ARHGAP32: variants seen among roughly 807,000 people sequenced by gnomAD.
ARHGAP32 encodes Rho GTPase activating protein 32.
A neutral mutation model predicts 186.5 loss-of-function variants in ARHGAP32; 51 were observed. The ratio of observed to expected loss-of-function variants is 0.27; its 90% CI spans 0.22 to 0.35. ARHGAP32 has a LOEUF of 0.35. ARHGAP32 is among the 10% of genes least tolerant of loss of function. The pLI is 1.00. For synonymous variants in ARHGAP32, 950 were observed against 964.3 expected, an observed-to-expected ratio of 0.99 and a Z score of 0.27; for missense variants, 2,186 against 2,623.5, an observed-to-expected ratio of 0.83 and a Z score of 3.64.
At chr11:129,128,816 C>T (rs1323532779) in intron 2 of ARHGAP32, among the ~76,000 whole-genome samples, 5 of 152,198 alleles carry the variant, frequency 3.3e-5, no homozygotes, top group Non-Finnish European at 7.3e-5. Flanking sequence ...AGCTCCTGAC[C>T]GCAAGTGATC....
chr11:129,264,664 A>G (rs1945370415), intron 1 of ARHGAP32, among the ~76,000 whole-genome samples: 1 of 152,188 alleles, frequency 6.6e-6, no homozygotes, highest in Non-Finnish European at 1.5e-5. Flanking sequence ...GAGACAGAGA[A>G]CTTTTGATGG....
At chr11:129,216,905 G>GA (rs915859152) in intron 1 of ARHGAP32, among the ~76,000 whole-genome samples, 16 of 150,296 alleles carry the variant, frequency 1.1e-4, no homozygotes, top group African/African-American at 3.9e-4. Context: ...ATTTACTGAA[G>GA]TTTTTTTTTC....
chr11:129,131,058 G>A (rs1023641511), intron 2 of ARHGAP32, among the ~76,000 whole-genome samples: 1 of 152,002 alleles, frequency 6.6e-6, no homozygotes, highest in Non-Finnish European at 1.5e-5. Flanking sequence ...AGTTGTTATA[G>A]TACATGAAAG....
At chr11:129,220,726 G>A (rs773488587) in intron 1 of ARHGAP32, among the ~76,000 whole-genome samples, 27 of 152,190 alleles carry the variant, frequency 1.8e-4, no homozygotes, top group Admixed American at 1.5e-3. Context: ...TCAGAAAGCC[G>A]CACTGTTTAA....
Position 129,271,254 on chromosome 11 carries a change from A to ACTAGC in ARHGAP32, c.-5+7887_-5+7891dup, listed in dbSNP as rs570767577. On this transcript the variant is annotated intron_variant, in intron 1 of 6. Transcript: ENST00000525234. ...GGCAGTTTGCCAGACGACAAAGCCT[A>ACTAGC]CTAGCCTAGCCTAGCCTAGGTTTTT... Among the ~76,000 whole-genome samples the ACTAGC allele has an allele frequency of 3.2e-3, 489 of 152,188 alleles. 2 individuals carry two copies. Among genetic ancestry groups the ACTAGC allele is most frequent in the African/African-American group, 0.011 (471 of 41,460 alleles).
In ARHGAP32 at chr11:128,965,727, A is replaced by G. The variant is rs1314733128; in HGVS notation, c.*3180T>C. On this transcript the variant is annotated 3_prime_UTR_variant, in exon 23 of 23. Coordinates refer to ENST00000682385, the MANE Select transcript of ARHGAP32 (RefSeq NM_001378024.1). ...ATTCTGCTCAAGCAGTACTTTGCCA[A>G]CATCCTAAATGGGTGACTGACAGGG... 3 of 152,222 alleles carry G rather than the reference A, an allele frequency of 2.0e-5. No individual in the cohort carries two copies. Among genetic ancestry groups the G allele is most frequent in the Non-Finnish European group, 2.9e-5 (2 of 68,042 alleles). 9.4% of individuals were successfully genotyped at this position (152,222 alleles called of 1,614,324 possible). A position where few individuals can be genotyped will look rare whatever the true frequency, so the allele number is the denominator to read the frequency against.
intron 1 of ARHGAP32, among the ~76,000 whole-genome samples, chr11:129,240,727 T>C (rs1363977549): frequency 6.6e-6 from 1 of 152,208 alleles, no homozygotes. Flanking sequence ...CCCTAAATGC[T>C]TGAGAGTGAG....
chr11:129,255,413 G>C (rs370023417), intron 1 of ARHGAP32, among the ~76,000 whole-genome samples: 2 of 151,892 alleles, frequency 1.3e-5, no homozygotes, highest in South Asian at 4.2e-4. Flanking sequence ...AAACACAAAA[G>C]ATAAAACCAT....
chr11:129,020,996 T>C (rs1366900875), intron 11 of ARHGAP32, among the ~76,000 whole-genome samples: 10 of 151,988 alleles, frequency 6.6e-5, no homozygotes, highest in Admixed American at 6.6e-4. Context: ...ATGAAACAGT[T>C]TGCTATTCCA....
intron 5 of ARHGAP32, among the ~76,000 whole-genome samples, chr11:129,111,678 T>A (rs1942220720): frequency 6.6e-6 from 1 of 152,226 alleles, no homozygotes; most frequent in Non-Finnish European, 1.5e-5. Context: ...TCCAACTTCT[T>A]ACTGTATAGT....
At chr11:129,142,798 AC>A (rs1212225742) in intron 2 of ARHGAP32, among the ~76,000 whole-genome samples, 1 of 151,900 alleles carries the variant, frequency 6.6e-6, no homozygotes, top group Non-Finnish European at 1.5e-5. Context: ...TATAAGGCTA[AC>A]AAAAAGCATC....
At chr11:129,214,558 G>A (rs892297507) in intron 1 of ARHGAP32, among the ~76,000 whole-genome samples, 40 of 152,270 alleles carry the variant, frequency 2.6e-4, no homozygotes, top group African/African-American at 8.2e-4. Flanking sequence ...GGGATTCAAA[G>A]GGCTTCCAGG....
rs1041191422 is a variant in ARHGAP32, at chr11:128,998,410, T to C, written c.1104A>G (p.Pro368=). The change falls in exon 12 of 23, where the codon CCA becomes CCG. Residue 368 remains proline, a synonymous_variant. Coordinates refer to ENST00000682385, the MANE Select transcript of ARHGAP32 (RefSeq NM_001378024.1). ...CCCGCTGCTTCAGCTTCTGTTTTGT[T>C]GGACGAGACTTCATGAATGTTCGTA... ...TFLRTFMKSR[P]TKQKLKQRGI... 8.8e-6 allele frequency: 14 copies of C among 1,596,250 alleles called. No individual in the cohort carries two copies. The highest frequency in any genetic ancestry group is 1.2e-5 in the Non-Finnish European group (14 of 1,170,282).
intron 16 of ARHGAP32, 88 bp from the exon 17 acceptor site, chr11:128,981,649 A>G: frequency 7.1e-7 from 1 of 1,411,206 alleles, no homozygotes. Context: ...TCAGACAAAC[A>G]GAGGAAGAAA....
In ARHGAP32 at chr11:128,974,607, C is replaced by G; in HGVS notation, c.2590G>C (p.Ala864Pro). 1 of 1,614,204 alleles carries G rather than the reference C, an allele frequency of 6.2e-7. No individual in the cohort carries two copies. The highest frequency in any genetic ancestry group is 1.6e-4 in the Middle Eastern group (1 of 6,062). ...AGAGGAGAGACAGGTTCAGAGCTTG[C>G]TGTGCTTCCTGGAGTCTGACATTGG... is the stretch of plus-strand genomic sequence containing the variant. ...SSQCQTPGST[A>P]SSEPVSPLQE... Residue 864 changes from alanine to proline, a missense_variant, in exon 21 of 23, where the codon GCA (alanine) becomes CCA (proline). Physicochemically the swap from Ala to Pro is conservative, Grantham distance 27. Transcript: ENST00000682385.
rs1166417668 is a variant in ARHGAP32 at position 129,096,519 on chromosome 11, A to AC, written c.445-2813dup. Among the ~76,000 whole-genome samples, 972 of 148,056 alleles carry AC rather than the reference A, an allele frequency of 6.6e-3. 7 individuals carry two copies. The highest frequency in any genetic ancestry group is 7.3e-3 in the Non-Finnish European group (488 of 66,490). Reference sequence around the variant, plus strand: ...ACTTAAGAAAGTAACAGCTCCCTATACCCCCCCGGCCCCGCCCCGCCCCTG... The same window carrying AC: ...ACTTAAGAAAGTAACAGCTCCCTATACCCCCCCCGGCCCCGCCCCGCCCCTG... On this transcript the variant is annotated intron_variant, in intron 5 of 22. Transcript: ENST00000682385.
intron 5 of ARHGAP32, among the ~76,000 whole-genome samples, chr11:129,116,470 T>C (rs1318451811): frequency 6.6e-6 from 1 of 152,014 alleles, no homozygotes; most frequent in Non-Finnish European, 1.5e-5. Flanking sequence ...AGAGGGAGTA[T>C]ACTGCAGAAC....
At chr11:129,145,799 TA>T (rs1326089666) in intron 2 of ARHGAP32, among the ~76,000 whole-genome samples, 1 of 152,098 alleles carries the variant, frequency 6.6e-6, no homozygotes, top group Non-Finnish European at 1.5e-5. Context: ...AGTAACGTAT[TA>T]AATAACTTCA....
chr11:129,119,537 T>C (rs1400758373), intron 5 of ARHGAP32, among the ~76,000 whole-genome samples: 1 of 152,100 alleles, frequency 6.6e-6, no homozygotes, highest in Non-Finnish European at 1.5e-5. Context: ...CTATTATTCA[T>C]TAAACAAATA....
Sources: allele counts gnomAD v4.1 joint callset (sites outside exome capture counted in the v4.1 genomes callset), GRCh38; gene constraint gnomAD v4.1.1; transcripts MANE v1.5; gene names NCBI Gene and HGNC (gene_info 2026-07-23, HGNC 2026-07-21).